SLC24A2: variants seen among roughly 807,000 people sequenced by gnomAD.
SLC24A2 encodes the protein solute carrier family 24 member 2.
A neutral mutation model predicts 62.0 loss-of-function variants in SLC24A2; 36 were observed. The ratio of observed to expected loss-of-function variants is 0.58; its 90% confidence interval spans 0.44 to 0.77. The LOEUF (loss-of-function observed/expected upper bound fraction) is 0.77. Among genes scored for constraint, SLC24A2 ranks in the 30% least tolerant of loss-of-function variants. The pLI is 0.00. For missense variants in SLC24A2, 846 were observed against 817.9 expected (o/e 1.03, Z -0.42); for synonymous variants, 358 against 294.0 (o/e 1.22, Z -2.23).
At chr9:20,058,799 G>A in the SLC24A2 span, among the ~76,000 whole-genome samples, 4 of 152,196 alleles carry the variant, frequency 2.6e-5, no homozygotes, top group Admixed American at 6.5e-5. Context: ...ACATGCATAC[G>A]TATGTGTGTA....
the SLC24A2 span, among the ~76,000 whole-genome samples, chr9:19,981,264 G>T: frequency 6.6e-6 from 1 of 152,122 alleles, no homozygotes; most frequent in Admixed American, 6.6e-5. Flanking sequence ...TTCTTTCAAA[G>T]AACATTTCAT....
chr9:19,602,331 A>G (rs1836864688), intron 4 of SLC24A2, among the ~76,000 whole-genome samples: 1 of 152,348 alleles, frequency 6.6e-6, no homozygotes, highest in South Asian at 2.1e-4. Context: ...TGAGTTGTCC[A>G]GACTAAGATA....
chr9:20,074,749 T>A, the SLC24A2 span, among the ~76,000 whole-genome samples: 1 of 152,134 alleles, frequency 6.6e-6, no homozygotes, highest in African/African-American at 2.4e-5. Context: ...TTTAATATGC[T>A]GCCCCTATAG....
the SLC24A2 span, among the ~76,000 whole-genome samples, chr9:20,124,999 G>A: frequency 6.6e-6 from 1 of 152,154 alleles, no homozygotes; most frequent in Non-Finnish European, 1.5e-5. Flanking sequence ...AAATCCAGAT[G>A]CTCACTAACA....
chr9:19,511,331 A>T lies in SLC24A2; in HGVS notation c.*4822T>A, dbSNP rs1832708327. 6.6e-6 allele frequency: 1 copy of T among 152,160 alleles called. No homozygotes were observed. The highest frequency in any genetic ancestry group is 2.1e-4 in the South Asian group (1 of 4,828). 9.4% of individuals were successfully genotyped at this position (152,160 alleles called of 1,614,324 possible). ...AGTCAGGGAGCTAACAGTAAATAGA[A>T]GGTGGAATAGGGCAGGGTTACTTTT... On this transcript the variant is annotated 3_prime_UTR_variant, in exon 11 of 11. Coordinates refer to ENST00000341998, the MANE Select transcript of SLC24A2 (RefSeq NM_020344.4).
chr9:19,887,153 G>T, the SLC24A2 span, among the ~76,000 whole-genome samples: 1 of 152,078 alleles, frequency 6.6e-6, no homozygotes, highest in African/African-American at 2.4e-5. Flanking sequence ...TATGGCACAC[G>T]TTTATCTATA....
chr9:19,987,425 C>T, the SLC24A2 span, among the ~76,000 whole-genome samples: 1 of 152,074 alleles, frequency 6.6e-6, no homozygotes, highest in African/African-American at 2.4e-5. Context: ...TAATTTTTGC[C>T]ATTTTAAGTG....
At chr9:20,218,702 C>A in the SLC24A2 span, among the ~76,000 whole-genome samples, 1 of 152,094 alleles carries the variant, frequency 6.6e-6, no homozygotes, top group Non-Finnish European at 1.5e-5. Context: ...AAGAAGGGTG[C>A]CCATATCTTT....
the SLC24A2 span, among the ~76,000 whole-genome samples, chr9:20,050,241 A>G: frequency 1.9e-3 from 167 of 89,914 alleles, no homozygotes; most frequent in African/African-American, 5.3e-3. Context: ...CCGTCTCTAC[A>G]AAAAAAAAAA....
At chr9:19,939,112 G>A in the SLC24A2 span, among the ~76,000 whole-genome samples, 14 of 152,220 alleles carry the variant, frequency 9.2e-5, no homozygotes, top group African/African-American at 3.4e-4. Context: ...TAGTAGTCTT[G>A]TTTCTGGATT....
chr9:19,970,748 T>G, the SLC24A2 span, among the ~76,000 whole-genome samples: 1 of 152,198 alleles, frequency 6.6e-6, no homozygotes, highest in East Asian at 1.9e-4. Context: ...TGCTCCATTT[T>G]CAGTTAGTAG....
chr9:19,746,985 T>A (rs980126299), intron 2 of SLC24A2, among the ~76,000 whole-genome samples: 1 of 152,144 alleles, frequency 6.6e-6, no homozygotes, highest in African/African-American at 2.4e-5. Flanking sequence ...ATCCCAGTTG[T>A]TGAGTGTCTA....
chr9:20,277,167 T>C, the SLC24A2 span, among the ~76,000 whole-genome samples: 1 of 152,194 alleles, frequency 6.6e-6, no homozygotes, highest in East Asian at 1.9e-4. Flanking sequence ...ATTCAGGACA[T>C]AGGCATGGAC....
At chr9:19,894,502 C>T in the SLC24A2 span, among the ~76,000 whole-genome samples, 2 of 151,944 alleles carry the variant, frequency 1.3e-5, no homozygotes, top group African/African-American at 4.8e-5. Context: ...ATGAAACGGC[C>T]AATTTTGTTT....
chr9:20,259,172 C>CT, the SLC24A2 span, among the ~76,000 whole-genome samples: 2 of 152,158 alleles, frequency 1.3e-5, no homozygotes, highest in Non-Finnish European at 2.9e-5. Flanking sequence ...AGATTCTCCC[C>CT]TAGAGCCTCC....
the SLC24A2 span, among the ~76,000 whole-genome samples, chr9:19,916,390 C>T: frequency 6.6e-6 from 1 of 151,938 alleles, no homozygotes; most frequent in East Asian, 1.9e-4. Flanking sequence ...AGCATGTGTA[C>T]ATCTTCTTCT....
chr9:20,208,708 G>A, the SLC24A2 span, among the ~76,000 whole-genome samples: 1 of 152,172 alleles, frequency 6.6e-6, no homozygotes, highest in Non-Finnish European at 1.5e-5. Flanking sequence ...TTTCCAGAAC[G>A]AGTAGATAGA....
the SLC24A2 span, among the ~76,000 whole-genome samples, chr9:19,857,606 T>G: frequency 1.3e-5 from 2 of 152,238 alleles, no homozygotes; most frequent in Non-Finnish European, 2.9e-5. Flanking sequence ...ATAATTATTT[T>G]ACTCTTTTTG....
At chr9:20,034,178 C>G in the SLC24A2 span, among the ~76,000 whole-genome samples, 1 of 152,248 alleles carries the variant, frequency 6.6e-6, no homozygotes, top group Non-Finnish European at 1.5e-5. Flanking sequence ...ATTATCTACA[C>G]GACCCCTTCC....
Sources: allele counts gnomAD v4.1 joint callset (sites outside exome capture counted in the v4.1 genomes callset), GRCh38; gene constraint gnomAD v4.1.1; transcripts MANE v1.5; gene names NCBI Gene and HGNC (gene_info 2026-07-23, HGNC 2026-07-21).